OR7A10: variants seen among roughly 807,000 people sequenced by gnomAD.
OR7A10 encodes the protein olfactory receptor family 7 subfamily A member 10.
For missense variants in OR7A10, 358 were observed against 370.1 expected (o/e 0.97, Z 0.27); for synonymous variants, 144 against 144.5 (o/e 1.00, Z 0.02).
intron 1 of OR7A10, among the ~76,000 whole-genome samples, chr19:14,847,306 A>C (rs2044947429): frequency 6.6e-6 from 1 of 152,244 alleles, no homozygotes. Context: ...CCAGTAAGGA[A>C]AAATTGCAAA....
rs139821292 is a variant in OR7A10 at position 14,841,138 on chromosome 19, A to T, written c.740T>A (p.Val247Asp). 1,450 of 1,614,042 alleles carry T rather than the reference A, an allele frequency of 9.0e-4. 1 individual carries two copies. Among genetic ancestry groups the T allele is most frequent in the Non-Finnish European group, 1.2e-3 (1,399 of 1,179,990 alleles). The stretch of plus-strand genomic sequence containing the variant: ...GCATGTACCATAAAATAAGGAGACA[A>T]CTGAGAGGTGAGATGCACAGGTGGA... The part of the protein sequence containing the change: ...AFSTCASHLS[V>D]VSLFYGTCLG... Residue 247 changes from valine (V) to aspartate (D), a missense_variant, in exon 2 of 2, where the codon GTT (valine) becomes GAT (aspartate). Val to Asp is a radical substitution (Grantham distance 152). Transcript: ENST00000641129.
At chr19:14,844,664 G>GTTTTTTTGTTTTTTT (rs2044931725) in intron 1 of OR7A10, among the ~76,000 whole-genome samples, 1 of 97,660 alleles carries the variant, frequency 1.0e-5, no homozygotes, top group Non-Finnish European at 2.0e-5. Flanking sequence ...TGAGTTCTGT[G>GTTTTTTTGTTTTTTT]TTTTTTTTTT....
chr19:14,842,493 C>T (rs896096679), intron 1 of OR7A10, among the ~76,000 whole-genome samples: 6 of 152,176 alleles, frequency 3.9e-5, no homozygotes, highest in East Asian at 3.8e-4. Flanking sequence ...TCAGGTGATC[C>T]GCCTGCCTCA....
In OR7A10 at chr19:14,841,683, G is replaced by A. The variant is rs766214033; in HGVS notation, c.195C>T (p.Asn65=). ...CAAAACAGATGTCTACGAAGGACAGGTTGGAGAGGAAGAAGTACATGGGGG... is the reference window on the plus strand; with the variant it reads ...CAAAACAGATGTCTACGAAGGACAGATTGGAGAGGAAGAAGTACATGGGGG... ...LHTPMYFFLS[N]LSFVDICFVS... The change falls in exon 2 of 2, where the codon AAC becomes AAT. Residue 65 remains asparagine (N), a synonymous_variant. Transcript: ENST00000641129. The A allele has an allele frequency of 3.7e-6, 6 of 1,614,046 alleles. No individual in the cohort carries two copies. In the African/African-American group the frequency reaches 4.0e-5, roughly 11 times the overall value.
At chr19:14,842,509 C>T (rs1029046130) in intron 1 of OR7A10, among the ~76,000 whole-genome samples, 9 of 152,204 alleles carry the variant, frequency 5.9e-5, no homozygotes, top group Admixed American at 2.6e-4. Context: ...CCTCAGCCTC[C>T]CAAAGTGCTG....
Position 14,840,989 on chromosome 19 carries a change from T to G in OR7A10, c.889A>C (p.Ile297Leu). ...AAGAATGTTTTCATAGCACCCTTTA[T>G]GTGTTTATTCCTCAGACTGTAGATG... ...PFIYSLRNKH[I>L]KGAMKTFFRG... is the part of the protein sequence containing the mutation. The change falls in exon 2 of 2, where the codon ATA becomes CTA. Residue 297 changes from isoleucine (I) to leucine (L), a missense_variant. Transcript: ENST00000641129. 1.9e-6 allele frequency: 3 copies of G among 1,613,678 alleles called. No individual in the cohort carries two copies. The highest frequency in any genetic ancestry group is 2.5e-6 in the Non-Finnish European group (3 of 1,179,860).
chr19:14,845,070 A>AAAC (rs1568259156), intron 1 of OR7A10, among the ~76,000 whole-genome samples: 2,590 of 141,650 alleles, frequency 0.018, 27 homozygotes, highest in African/African-American at 0.028. Context: ...CACACACACA[A>AAAC]ACACACACAC....
In OR7A10 at chr19:14,840,785, C is replaced by G; in HGVS notation, c.*163G>C. ...AGGTCATCTCTGACTCTAAGAAGAA[C>G]AGTGTAAGCTCTATAAAGTAGTTGA... On this transcript the variant is annotated 3_prime_UTR_variant, in exon 2 of 2. Coordinates refer to ENST00000641129, the MANE Select transcript of OR7A10 (RefSeq NM_001005190.2). The G allele has an allele frequency of 1.9e-6, 1 of 527,422 alleles. No homozygotes were observed. Among genetic ancestry groups the G allele is most frequent in the South Asian group, 3.4e-5 (1 of 29,340 alleles). The allele number at this position is 527,422 out of a possible 1,614,324, so 32.7% of individuals were successfully genotyped here.
intron 1 of OR7A10, among the ~76,000 whole-genome samples, chr19:14,843,722 G>C (rs2044926525): frequency 6.6e-6 from 1 of 152,210 alleles, no homozygotes; most frequent in South Asian, 2.1e-4. Flanking sequence ...GGAATATCAA[G>C]TGAATTTCGA....
Position 14,841,233 on chromosome 19 carries a change from C to T in OR7A10, c.645G>A (p.Leu215=). Reference sequence around the variant, plus strand: ...AGGAAACTATCTTAGAGTAAGAGTACAGGATCCCAGTGAGGGGACCACCGC... The same window carrying T: ...AGGAAACTATCTTAGAGTAAGAGTATAGGATCCCAGTGAGGGGACCACCGC... ...LLGGGPLTGI[L]YSYSKIVSSI... Residue 215 remains leucine (L), a synonymous_variant, in exon 2 of 2, where the codon CTG becomes CTA. Coordinates refer to ENST00000641129, the MANE Select transcript of OR7A10 (RefSeq NM_001005190.2). 6.2e-7 allele frequency: 1 copy of T among 1,614,114 alleles called. No homozygotes were observed. Among genetic ancestry groups the T allele is most frequent in the Non-Finnish European group, 8.5e-7 (1 of 1,180,016 alleles).
In OR7A10 at chr19:14,841,230, G is replaced by A. The variant is rs747465614; in HGVS notation, c.648C>T (p.Tyr216=). 6.2e-7 allele frequency: 1 copy of A among 1,614,190 alleles called. No individual in the cohort carries two copies. The highest frequency in any genetic ancestry group is 1.1e-5 in the South Asian group (1 of 91,084). The part of the protein sequence containing the change: ...LGGGPLTGIL[Y]SYSKIVSSIR... ...TGGAGGAAACTATCTTAGAGTAAGA[G>A]TACAGGATCCCAGTGAGGGGACCAC... The change falls in exon 2 of 2, where the codon TAC becomes TAT. Residue 216 remains tyrosine, a synonymous_variant. Coordinates refer to ENST00000641129, the MANE Select transcript of OR7A10 (RefSeq NM_001005190.2).
Position 14,841,320 on chromosome 19 carries a change from G to T in OR7A10, c.558C>A (p.His186Gln), listed in dbSNP as rs977010486. 19 of 1,614,060 alleles carry T rather than the reference G, an allele frequency of 1.2e-5. No homozygotes were observed. The highest frequency in any genetic ancestry group is 1.5e-5 in the Non-Finnish European group (18 of 1,180,040). ...TAAGAAAGGTGTCAGAACAGGCAAG[G>T]TGGACCACCTGATTAATTTCACAGA... ...HFFCEINQVV[H>Q]LACSDTFLND... Residue 186 changes from histidine to glutamine, a missense_variant, in exon 2 of 2, where the codon CAC (histidine) becomes CAA (glutamine). Transcript: ENST00000641129.
chr19:14,841,892 AC>A lies in OR7A10; in HGVS notation c.-12-4del. The A allele has an allele frequency of 1.3e-6, 2 of 1,498,434 alleles. No individual in the cohort carries two copies. The highest frequency in any genetic ancestry group is 1.8e-6 in the Non-Finnish European group (2 of 1,095,504). The allele number at this position is 1,498,434 out of a possible 1,614,324, so 92.8% of individuals were successfully genotyped here. ...CATGATTTCATCTTGTGATGTGACTACCAGAGAGAGAGAGAGAGAGAGAGAG... is the reference window on the plus strand; with the variant it reads ...CATGATTTCATCTTGTGATGTGACTACAGAGAGAGAGAGAGAGAGAGAGAG... On this transcript the variant is annotated splice_polypyrimidine_tract_variant and splice_region_variant and intron_variant, in intron 1 of 1. Transcript: ENST00000641129.
rs1348866444 is a variant in OR7A10, at chr19:14,844,664, G to GTTTTTTTTTTTTTTTTTTTT, written c.-12-2776_-12-2775insAAAAAAAAAAAAAAAAAAAA. Among the ~76,000 whole-genome samples, 99 of 97,616 alleles carry GTTTTTTTTTTTTTTTTTTTT rather than the reference G, an allele frequency of 1.0e-3. 15 individuals are homozygous for GTTTTTTTTTTTTTTTTTTTT. The highest frequency in any genetic ancestry group is 2.5e-3 in the East Asian group (9 of 3,582). The allele number at this position is 97,616 out of a possible 152,430, so 64.0% of individuals were successfully genotyped here. ...TTTTCACTGTTGCCTTGAGTTCTGT[G>GTTTTTTTTTTTTTTTTTTTT]TTTTTTTTTTTTTTTTGAGATGGAG... On this transcript the variant is annotated intron_variant, in intron 1 of 1. Coordinates refer to ENST00000641129, the MANE Select transcript of OR7A10 (RefSeq NM_001005190.2).
intron 1 of OR7A10, among the ~76,000 whole-genome samples, chr19:14,846,116 T>C (rs1198194735): frequency 6.6e-6 from 1 of 152,096 alleles, no homozygotes; most frequent in Admixed American, 6.5e-5. Context: ...ATCGCACCAT[T>C]GCACTCCAGC....
Position 14,841,325 on chromosome 19 carries a change from C to A in OR7A10, c.553G>T (p.Val185Phe). Reference protein sequence around the residue: ...PHFFCEINQVVHLACSDTFLN... With the variant: ...PHFFCEINQVFHLACSDTFLN... ...AAGGTGTCAGAACAGGCAAGGTGGA[C>A]CACCTGATTAATTTCACAGAAAAAA... Residue 185 changes from valine (V) to phenylalanine (F), a missense_variant, in exon 2 of 2, where the codon GTC becomes TTC. Coordinates refer to ENST00000641129, the MANE Select transcript of OR7A10 (RefSeq NM_001005190.2). The A allele has an allele frequency of 6.2e-7, 1 of 1,614,110 alleles. No homozygotes were observed. The highest frequency in any genetic ancestry group is 8.5e-7 in the Non-Finnish European group (1 of 1,180,018).
rs557763797 is a variant in OR7A10, at chr19:14,848,845, A to G, written c.-358T>C. ...TTTTCTTGCATACTCAGTTCCCAAG[A>G]CATCAGATTAAACATCAGGCGAATC... On this transcript the variant is annotated 5_prime_UTR_variant, in exon 1 of 2. Coordinates refer to ENST00000641129, the MANE Select transcript of OR7A10 (RefSeq NM_001005190.2). 31 of 152,340 alleles carry G rather than the reference A, an allele frequency of 2.0e-4. No homozygotes were observed. The highest frequency in any genetic ancestry group is 7.5e-4 in the African/African-American group (31 of 41,572). The allele number at this position is 152,340 out of a possible 1,614,324, so 9.4% of individuals were successfully genotyped here.
chr19:14,841,171 T>C lies in OR7A10; in HGVS notation c.707A>G (p.Lys236Arg), dbSNP rs2044909201. The change falls in exon 2 of 2, where the codon AAG (lysine) becomes AGG (arginine). Residue 236 changes from lysine to arginine, a missense_variant. Transcript: ENST00000641129. ...GTGAGATGCACAGGTGGAAAATGCCTTATACTTCCCCTGAGCTGATGAGAT... is the reference window on the plus strand; with the variant it reads ...GTGAGATGCACAGGTGGAAAATGCCCTATACTTCCCCTGAGCTGATGAGAT... Reference protein sequence around the residue: ...RAISSAQGKYKAFSTCASHLS... With the variant: ...RAISSAQGKYRAFSTCASHLS... 6.2e-7 allele frequency: 1 copy of C among 1,613,970 alleles called. No individual in the cohort carries two copies. Among genetic ancestry groups the C allele is most frequent in the African/African-American group, 1.3e-5 (1 of 74,884 alleles).
chr19:14,847,598 C>G (rs2044948841), intron 1 of OR7A10, among the ~76,000 whole-genome samples: 1 of 152,086 alleles, frequency 6.6e-6, no homozygotes, highest in African/African-American at 2.4e-5. Context: ...GCAAGCTCCA[C>G]CTCCCGGGTT....
Sources: allele counts gnomAD v4.1 joint callset (sites outside exome capture counted in the v4.1 genomes callset), GRCh38; gene constraint gnomAD v4.1.1; transcripts MANE v1.5; gene names NCBI Gene and HGNC (gene_info 2026-07-23, HGNC 2026-07-21).